The following POP7 variants were observed in gnomAD, a reference collection of about 807,000 sequenced individuals.
POP7 encodes ribonuclease P protein subunit p20.
A neutral mutation model predicts 7.5 loss-of-function variants in POP7; 5 were observed. The observed-to-expected ratio is 0.66, with a 90% CI of 0.35 to 1.40. POP7 has a LOEUF of 1.40. Ranked by LOEUF, POP7 falls within the 40% of genes most tolerant of loss-of-function variation. POP7 has a pLI of 0.04. For missense variants in POP7, 170 were observed against 189.1 expected (o/e 0.90, Z 0.59); for synonymous variants, 85 against 81.6 (o/e 1.04, Z -0.23).
chr7:100,707,125 G>T lies in POP7; in HGVS notation c.295G>T (p.Ala99Ser). The T allele has an allele frequency of 6.2e-7, 1 of 1,613,680 alleles. No homozygotes were observed. The highest frequency in any genetic ancestry group is 8.5e-7 in the Non-Finnish European group (1 of 1,179,986). The change falls in exon 2 of 2, where the codon GCT becomes TCT. Residue 99 changes from alanine (A) to serine (S), a missense_variant. Coordinates refer to ENST00000303151, the MANE Select transcript of POP7 (RefSeq NM_005837.3). ...QAGSFGSLQVAANTSTVELVD... is the reference protein window; with the variant it reads ...QAGSFGSLQVSANTSTVELVD... ...GGGCAGCTTCGGGTCCTTGCAGGTG[G>T]CTGCCAATACCTCCACCGTGGAGCT...
At chr7:100,706,696 C>T in intron 1 of POP7, 125 bp from the exon 2 acceptor site, 1 of 960,294 alleles carries the variant, frequency 1.0e-6, no homozygotes, top group East Asian at 2.4e-5. Flanking sequence ...CCTCGACCTT[C>T]CAAAGTGCTG....
At position 100,707,105 on chromosome 7, in the gene POP7, G is replaced by T; in HGVS notation, c.275G>T (p.Ser92Ile). The change falls in exon 2 of 2, where the codon AGC becomes ATC. Residue 92 changes from serine to isoleucine, a missense_variant. Ser to Ile is a moderately radical substitution (Grantham distance 142). Transcript: ENST00000303151. ...INIALQLQAG[S>I]FGSLQVAANT... is the part of the protein sequence containing the mutation. ...ATCGCGCTGCAGCTGCAGGCGGGCA[G>T]CTTCGGGTCCTTGCAGGTGGCTGCC... 2 of 1,614,142 alleles carry T rather than the reference G, an allele frequency of 1.2e-6. No individual in the cohort carries two copies. Among genetic ancestry groups the T allele is most frequent in the South Asian group, 2.2e-5 (2 of 91,086 alleles).
intron 1 of POP7, 39 bp from the exon 2 acceptor site, chr7:100,706,782 C>T (rs774470599): frequency 1.3e-6 from 2 of 1,577,906 alleles, no homozygotes; most frequent in South Asian, 1.1e-5. Flanking sequence ...GCTTCGAGGT[C>T]CCTCTGAGCC....
In POP7 at chr7:100,707,121, G is replaced by A; in HGVS notation, c.291G>A (p.Gln97=). 1 of 1,614,150 alleles carries A rather than the reference G, an allele frequency of 6.2e-7. No homozygotes were observed. Among genetic ancestry groups the A allele is most frequent in the Non-Finnish European group, 8.5e-7 (1 of 1,180,036 alleles). Residue 97 remains glutamine, a synonymous_variant, in exon 2 of 2, where the codon CAG becomes CAA. Transcript: ENST00000303151. ...QLQAGSFGSL[Q]VAANTSTVEL... ...AGGCGGGCAGCTTCGGGTCCTTGCA[G>A]GTGGCTGCCAATACCTCCACCGTGG... is the stretch of plus-strand genomic sequence containing the variant.
chr7:100,707,003 G>C lies in POP7; in HGVS notation c.173G>C (p.Gly58Ala), dbSNP rs1196404634. 6.2e-7 allele frequency: 1 copy of C among 1,614,032 alleles called. No homozygotes were observed. Among genetic ancestry groups the C allele is most frequent in the African/African-American group, 1.3e-5 (1 of 74,954 alleles). The stretch of plus-strand genomic sequence containing the variant: ...GCCCGCTGCCAGAAGCTGCTGGACG[G>C]AGGGGCCCGGGGTCAGAACGCGTGC... ...QLARCQKLLD[G>A]GARGQNACSE... is the part of the protein sequence containing the mutation. Residue 58 changes from glycine (G) to alanine (A), a missense_variant, in exon 2 of 2, where the codon GGA (glycine) becomes GCA (alanine). Transcript: ENST00000303151.
Position 100,707,299 on chromosome 7 carries a change from C to A in POP7, c.*46C>A. On this transcript the variant is annotated 3_prime_UTR_variant, in exon 2 of 2. Transcript: ENST00000303151. ...TTATCCCCTCCGTGATATGGCTCTT[C>A]GCATGCTGAGTACTGGACCTCGGAC... 7 of 1,571,866 alleles carry A rather than the reference C, an allele frequency of 4.5e-6. No individual in the cohort carries two copies. Among genetic ancestry groups the A allele is most frequent in the Non-Finnish European group, 5.2e-6 (6 of 1,155,010 alleles).
chr7:100,706,842 C>T lies in POP7; in HGVS notation c.12C>T (p.Asn4=). 1 of 1,613,130 alleles carries T rather than the reference C, an allele frequency of 6.2e-7. No homozygotes were observed. The highest frequency in any genetic ancestry group is 1.1e-5 in the South Asian group (1 of 91,066). ...CCAGGGCACACAGCATGGCAGAAAA[C>T]CGAGAGCCCCGCGGTGCTGTGGAGG... MAE[N]REPRGAVEAE... is the part of the protein sequence containing the mutation. Residue 4 remains asparagine (N), a synonymous_variant, in exon 2 of 2, where the codon AAC becomes AAT. Transcript: ENST00000303151.
At chr7:100,706,713 C>A in intron 1 of POP7, 108 bp from the exon 2 acceptor site, 1 of 1,120,658 alleles carries the variant, frequency 8.9e-7, no homozygotes, top group Non-Finnish European at 1.3e-6. Context: ...GCTGAGGTTA[C>A]AGGCGTGAGC....
rs527332206 is a variant in POP7, at chr7:100,707,040, C to T, written c.210C>T (p.Tyr70=). The T allele has an allele frequency of 7.4e-6, 12 of 1,614,158 alleles. No homozygotes were observed. The East Asian group carries it at 1.3e-4, about 18-fold the overall frequency. ...GTCAGAACGCGTGCTCTGAGATCTA[C>T]ATTCACGGCTTGGGCCTGGCCATCA... is the stretch of plus-strand genomic sequence containing the variant. ...ARGQNACSEI[Y]IHGLGLAINR... is the part of the protein sequence containing the mutation. Residue 70 remains tyrosine (Y), a synonymous_variant, in exon 2 of 2, where the codon TAC becomes TAT. Coordinates refer to ENST00000303151, the MANE Select transcript of POP7 (RefSeq NM_005837.3).
rs559583366 is a variant in POP7, at chr7:100,707,416, T to A, written c.*163T>A. 1.3e-6 allele frequency: 1 copy of A among 775,000 alleles called. No homozygotes were observed. Among genetic ancestry groups the A allele is most frequent in the African/African-American group, 1.8e-5 (1 of 56,792 alleles). The allele number at this position is 775,000 out of a possible 1,614,324, so 48.0% of individuals were successfully genotyped here. ...ATTGTCTCTTGGTGGGCCCAGTTAG[T>A]GGGCCTTCCTGAGTGTGTGTATGCG... On this transcript the variant is annotated 3_prime_UTR_variant, in exon 2 of 2. Transcript: ENST00000303151.
At position 100,707,277 on chromosome 7, in the gene POP7, T is replaced by G. The variant is rs761442420; in HGVS notation, c.*24T>G. ...AATTGAAAAGACACTCCTCCACTTA[T>G]CCCCTCCGTGATATGGCTCTTCGCA... is the stretch of plus-strand genomic sequence containing the variant. On this transcript the variant is annotated 3_prime_UTR_variant, in exon 2 of 2. Transcript: ENST00000303151. 6.2e-7 allele frequency: 1 copy of G among 1,601,766 alleles called. No homozygotes were observed. Among genetic ancestry groups the G allele is most frequent in the Non-Finnish European group, 8.5e-7 (1 of 1,171,790 alleles).
rs1429304946 is a variant in POP7 at position 100,707,119 on chromosome 7, C to G, written c.289C>G (p.Gln97Glu). The G allele has an allele frequency of 6.2e-7, 1 of 1,614,054 alleles. No individual in the cohort carries two copies. Among genetic ancestry groups the G allele is most frequent in the Non-Finnish European group, 8.5e-7 (1 of 1,180,052 alleles). The change falls in exon 2 of 2, where the codon CAG (glutamine) becomes GAG (glutamate). Residue 97 changes from glutamine to glutamate, a missense_variant. Physicochemically the swap from Gln to Glu is conservative, Grantham distance 29. Transcript: ENST00000303151. Reference protein sequence around the residue: ...QLQAGSFGSLQVAANTSTVEL... With the variant: ...QLQAGSFGSLEVAANTSTVEL... ...GCAGGCGGGCAGCTTCGGGTCCTTG[C>G]AGGTGGCTGCCAATACCTCCACCGT...
In POP7 at chr7:100,706,301, G is replaced by A. The variant is rs1562897197; in HGVS notation, c.-14G>A. On this transcript the variant is annotated 5_prime_UTR_variant, in exon 1 of 2. Coordinates refer to ENST00000303151, the MANE Select transcript of POP7 (RefSeq NM_005837.3). ...CGCCTGGAGGGCCCTGTGGAACGAA[G>A]AGAGTAAGCACGGGAGGGGCGGCGG... is the stretch of plus-strand genomic sequence containing the variant. 1 of 155,464 alleles carries A rather than the reference G, an allele frequency of 6.4e-6. No individual in the cohort carries two copies. Among genetic ancestry groups the A allele is most frequent in the African/African-American group, 2.4e-5 (1 of 41,470 alleles). The allele number at this position is 155,464 out of a possible 1,614,324, so 9.6% of individuals were successfully genotyped here. A position where few individuals can be genotyped will look rare whatever the true frequency, so the allele number is the denominator to read the frequency against.
chr7:100,707,281 C>T lies in POP7; in HGVS notation c.*28C>T, dbSNP rs1205978211. 3 of 1,598,894 alleles carry T rather than the reference C, an allele frequency of 1.9e-6. No individual in the cohort carries two copies. Among genetic ancestry groups the T allele is most frequent in the Non-Finnish European group, 2.6e-6 (3 of 1,170,102 alleles). ...GAAAAGACACTCCTCCACTTATCCC[C>T]TCCGTGATATGGCTCTTCGCATGCT... On this transcript the variant is annotated 3_prime_UTR_variant, in exon 2 of 2. Transcript: ENST00000303151.
rs2131431907 is a variant in POP7 at position 100,707,208 on chromosome 7, C to T, written c.378C>T (p.Asn126=). 1 of 1,614,210 alleles carries T rather than the reference C, an allele frequency of 6.2e-7. No homozygotes were observed. Among genetic ancestry groups the T allele is most frequent in the African/African-American group, 1.3e-5 (1 of 75,068 alleles). ...DTREPLTRIR[N]NSAIHIRVFR... The stretch of plus-strand genomic sequence containing the variant: ...GGGAGCCACTGACTCGGATCCGCAA[C>T]AACTCAGCCATCCACATCCGAGTCT... Residue 126 remains asparagine, a synonymous_variant, in exon 2 of 2, where the codon AAC becomes AAT. Coordinates refer to ENST00000303151, the MANE Select transcript of POP7 (RefSeq NM_005837.3).
rs558545173 is a variant in POP7 at position 100,706,984 on chromosome 7, T to A, written c.154T>A (p.Cys52Ser). ...KTDFKAQLAR[C>S]QKLLDGGARG... ...GGACTTTAAGGCCCAGCTGGCCCGC[T>A]GCCAGAAGCTGCTGGACGGAGGGGC... is the stretch of plus-strand genomic sequence containing the variant. Residue 52 changes from cysteine to serine, a missense_variant, in exon 2 of 2, where the codon TGC becomes AGC. Coordinates refer to ENST00000303151, the MANE Select transcript of POP7 (RefSeq NM_005837.3). The A allele has an allele frequency of 1.2e-6, 2 of 1,614,130 alleles. No homozygotes were observed. Among genetic ancestry groups the A allele is most frequent in the East Asian group, 4.5e-5 (2 of 44,890 alleles).
In POP7 at chr7:100,706,940, T is replaced by G; in HGVS notation, c.110T>G (p.Ile37Ser). ...PSRLPRRPND[I>S]YVNMKTDFKA... ...CGCCTGCCCCGGAGACCCAATGACATTTATGTCAACATGAAGACGGACTTT... is the reference window on the plus strand; with the variant it reads ...CGCCTGCCCCGGAGACCCAATGACAGTTATGTCAACATGAAGACGGACTTT... The change falls in exon 2 of 2, where the codon ATT becomes AGT. Residue 37 changes from isoleucine to serine, a missense_variant. Coordinates refer to ENST00000303151, the MANE Select transcript of POP7 (RefSeq NM_005837.3). 3 of 1,614,052 alleles carry G rather than the reference T, an allele frequency of 1.9e-6. No individual in the cohort carries two copies. The South Asian group carries it at 3.3e-5, about 18-fold the overall frequency.
Position 100,707,313 on chromosome 7 carries a change from T to G in POP7, c.*60T>G. ...ATATGGCTCTTCGCATGCTGAGTACTGGACCTCGGACCAGAGCCATGTAAG... is the reference window on the plus strand; with the variant it reads ...ATATGGCTCTTCGCATGCTGAGTACGGGACCTCGGACCAGAGCCATGTAAG... On this transcript the variant is annotated 3_prime_UTR_variant, in exon 2 of 2. Transcript: ENST00000303151. 1 of 1,533,082 alleles carries G rather than the reference T, an allele frequency of 6.5e-7. No homozygotes were observed. The highest frequency in any genetic ancestry group is 8.8e-7 in the Non-Finnish European group (1 of 1,131,330). 95.0% of individuals were successfully genotyped at this position (1,533,082 alleles called of 1,614,324 possible). A position where few individuals can be genotyped will look rare whatever the true frequency, so the allele number is the denominator to read the frequency against.
rs139929136 is a variant in POP7 at position 100,707,121 on chromosome 7, G to C, written c.291G>C (p.Gln97His). Residue 97 changes from glutamine (Q) to histidine (H), a missense_variant, in exon 2 of 2, where the codon CAG becomes CAC. Gln to His is a conservative substitution (Grantham distance 24, BLOSUM62 0). Coordinates refer to ENST00000303151, the MANE Select transcript of POP7 (RefSeq NM_005837.3). ...QLQAGSFGSL[Q>H]VAANTSTVEL... is the part of the protein sequence containing the mutation. Reference sequence around the variant, plus strand: ...AGGCGGGCAGCTTCGGGTCCTTGCAGGTGGCTGCCAATACCTCCACCGTGG... The same window carrying C: ...AGGCGGGCAGCTTCGGGTCCTTGCACGTGGCTGCCAATACCTCCACCGTGG... 136 of 1,614,150 alleles carry C rather than the reference G, an allele frequency of 8.4e-5. No individual in the cohort carries two copies. The African/African-American group carries it at 1.5e-3, about 17-fold the overall frequency.
Sources: allele counts gnomAD v4.1 joint callset, GRCh38; gene constraint gnomAD v4.1.1; transcripts MANE v1.5; gene names NCBI Gene and HGNC (gene_info 2026-07-23, HGNC 2026-07-21).